SLC15A5: variants seen among roughly 807,000 people sequenced by gnomAD.
SLC15A5 encodes the protein Peptide/histidine transporter ENSP00000340402.
In SLC15A5, 58 loss-of-function variants were observed where a neutral mutation model predicts 56.1. That is an observed-to-expected ratio of 1.03 (90% CI 0.84 to 1.29). The LOEUF is 1.29. Ranked by LOEUF, SLC15A5 falls within the 50% of genes most tolerant of loss-of-function variation. SLC15A5 has a pLI of 0.00. For synonymous variants in SLC15A5, 264 were observed against 250.5 expected, an observed-to-expected ratio of 1.05 and a Z score of -0.51; for missense variants, 681 against 672.1, an observed-to-expected ratio of 1.01 and a Z score of -0.15.
intron 5 of SLC15A5, among the ~76,000 whole-genome samples, chr12:16,230,526 T>TA (rs964569730): frequency 6.6e-6 from 1 of 152,182 alleles, no homozygotes; most frequent in Admixed American, 6.5e-5. Context: ...AGAATGATGT[T>TA]AAATTATTCA....
In SLC15A5 at chr12:16,222,658, T is replaced by G. The variant is rs891218175; in HGVS notation, c.1351+1756A>C. The stretch of plus-strand genomic sequence containing the variant: ...CTCAGTTAGGCCTGATTTCCTGGAG[T>G]AAATCAGGGAGTGGTGGAGTAAGTG... On this transcript the variant is annotated intron_variant, in intron 6 of 8. Coordinates refer to ENST00000344941, the MANE Select transcript of SLC15A5 (RefSeq NM_001170798.1). Among the ~76,000 whole-genome samples, 6 of 152,186 alleles carry G rather than the reference T, an allele frequency of 3.9e-5. No homozygotes were observed. In the East Asian group the frequency reaches 1.2e-3, roughly 30 times the overall value.
chr12:16,246,363 T>A (rs1300176949), intron 3 of SLC15A5, among the ~76,000 whole-genome samples: 1 of 152,216 alleles, frequency 6.6e-6, no homozygotes, highest in South Asian at 2.1e-4. Context: ...TATGAGACTT[T>A]CCTAGCTATT....
chr12:16,196,826 G>A lies in SLC15A5; in HGVS notation c.1484-2373C>T, dbSNP rs1351359063. ...ATATAAATTCACTAAGATCTTTAAA[G>A]GTAAAACATAATATTTTAAAGAAAT... On this transcript the variant is annotated intron_variant, in intron 7 of 8. Coordinates refer to ENST00000344941, the MANE Select transcript of SLC15A5 (RefSeq NM_001170798.1). The surrounding 1 kb of genome is among the most constrained non-coding windows in gnomAD (Gnocchi z 4.0). Among the ~76,000 whole-genome samples, 1 of 151,928 alleles carries A rather than the reference G, an allele frequency of 6.6e-6. No individual in the cohort carries two copies. The highest frequency in any genetic ancestry group is 1.5e-5 in the Non-Finnish European group (1 of 67,974).
intron 8 of SLC15A5, among the ~76,000 whole-genome samples, chr12:16,192,075 G>A (rs952253219): frequency 2.0e-5 from 3 of 152,058 alleles, no homozygotes; most frequent in Admixed American, 6.6e-5. Flanking sequence ...TCCTAGTTGT[G>A]TGAACTTGGT....
In SLC15A5 at chr12:16,206,188, C is replaced by T. The variant is rs371640344; in HGVS notation, c.1483+10705G>A. Among the ~76,000 whole-genome samples, 62 of 152,198 alleles carry T rather than the reference C, an allele frequency of 4.1e-4. 1 individual carries two copies. The East Asian group carries it at 4.3e-3, about 10-fold the overall frequency. Reference sequence around the variant, plus strand: ...AAAAAGAGCTTTGGAATCTGGAATCCGCCATTGCTGTGTGATTTGGACAAC... The same window carrying T: ...AAAAAGAGCTTTGGAATCTGGAATCTGCCATTGCTGTGTGATTTGGACAAC... On this transcript the variant is annotated intron_variant, in intron 7 of 8. Transcript: ENST00000344941.
At chr12:16,217,254 T>G (rs1321354247) in intron 6 of SLC15A5, among the ~76,000 whole-genome samples, 1 of 152,132 alleles carries the variant, frequency 6.6e-6, no homozygotes. Flanking sequence ...ACAATGAGAA[T>G]TTGATTACTT....
chr12:16,202,741 T>G (rs1250304202), intron 7 of SLC15A5, among the ~76,000 whole-genome samples: 2 of 152,108 alleles, frequency 1.3e-5, no homozygotes, highest in Non-Finnish European at 2.9e-5. Context: ...ATTAATACAT[T>G]TTAAAAAGTG....
chr12:16,270,508 G>A (rs1474954085), intron 2 of SLC15A5, among the ~76,000 whole-genome samples: 1 of 152,056 alleles, frequency 6.6e-6, no homozygotes, highest in Non-Finnish European at 1.5e-5. Flanking sequence ...CTCTTTCCCA[G>A]CATTTAGACA....
At chr12:16,229,155 G>A (rs1018263376) in intron 5 of SLC15A5, among the ~76,000 whole-genome samples, 1 of 152,186 alleles carries the variant, frequency 6.6e-6, no homozygotes, top group African/African-American at 2.4e-5. Flanking sequence ...TTATGTAAAT[G>A]TAAATTGAAT....
chr12:16,224,463 A>T lies in SLC15A5; in HGVS notation c.1302T>A (p.Ile434=), dbSNP rs1864219291. The stretch of plus-strand genomic sequence containing the variant: ...CCACTCCAAGTAAAACATACTGAAG[A>T]ATCAGGTAGAAACAGGGCATGGAGG... ...TVSSMPCFYL[I]LQYVLLGVAE... The change falls in exon 6 of 9, where the codon ATT becomes ATA. Residue 434 remains isoleucine, a synonymous_variant. Coordinates refer to ENST00000344941, the MANE Select transcript of SLC15A5 (RefSeq NM_001170798.1). 6.5e-7 allele frequency: 1 copy of T among 1,537,296 alleles called. No homozygotes were observed. The highest frequency in any genetic ancestry group is 2.4e-5 in the East Asian group (1 of 40,906).
At chr12:16,259,263 CCT>C (rs1351074723) in intron 2 of SLC15A5, among the ~76,000 whole-genome samples, 1 of 150,826 alleles carries the variant, frequency 6.6e-6, no homozygotes, top group East Asian at 1.9e-4. Context: ...ACATCTGATT[CCT>C]CTCTCCTCTC....
At chr12:16,229,745 T>G (rs1051893179) in intron 5 of SLC15A5, among the ~76,000 whole-genome samples, 2 of 151,150 alleles carry the variant, frequency 1.3e-5, no homozygotes, top group Non-Finnish European at 1.5e-5. Flanking sequence ...TAGAGGATAA[T>G]GAAACATGTG....
chr12:16,205,242 C>G (rs892076053), intron 7 of SLC15A5, among the ~76,000 whole-genome samples: 16 of 151,540 alleles, frequency 1.1e-4, no homozygotes, highest in African/African-American at 4.8e-5. Context: ...GTCAAATAGA[C>G]AAAGATCAAA....
intron 4 of SLC15A5, among the ~76,000 whole-genome samples, chr12:16,241,802 C>T (rs974104530): frequency 8.8e-5 from 13 of 148,554 alleles, no homozygotes; most frequent in South Asian, 6.8e-4. Flanking sequence ...AAGTTATTAT[C>T]GGCATGAATC....
intron 5 of SLC15A5, among the ~76,000 whole-genome samples, chr12:16,233,373 T>A (rs1269302897): frequency 1.3e-5 from 2 of 152,212 alleles, no homozygotes; most frequent in African/African-American, 4.8e-5. Flanking sequence ...TAAATTTCTA[T>A]GATTTTTAAA....
At chr12:16,224,826 C>A (rs1469858113) in intron 5 of SLC15A5, among the ~76,000 whole-genome samples, 1 of 151,056 alleles carries the variant, frequency 6.6e-6, no homozygotes, top group Non-Finnish European at 1.5e-5. Flanking sequence ...GTTCTGCACC[C>A]ATTAACTCGT....
intron 5 of SLC15A5, among the ~76,000 whole-genome samples, chr12:16,236,055 A>T (rs1051679945): frequency 6.6e-6 from 1 of 152,182 alleles, no homozygotes; most frequent in East Asian, 1.9e-4. Flanking sequence ...AAGCCAAGAT[A>T]ATTGCTACCT....
intron 7 of SLC15A5, among the ~76,000 whole-genome samples, chr12:16,206,278 AG>A (rs1302246355): frequency 4.6e-5 from 7 of 152,170 alleles, no homozygotes; most frequent in African/African-American, 1.7e-4. Context: ...CTACCTCCAA[AG>A]AATTGTTGTG....
intron 5 of SLC15A5, among the ~76,000 whole-genome samples, chr12:16,238,409 C>T (rs957162314): frequency 4.6e-5 from 7 of 151,886 alleles, no homozygotes; most frequent in African/African-American, 1.2e-4. Flanking sequence ...GGGCGGATCA[C>T]GAGGTCAGGA....
Sources: gnomAD v4.1 joint callset for allele counts (sites outside exome capture counted in the v4.1 genomes callset) on GRCh38, gnomAD v4.1.1 for gene constraint, Gnocchi (gnomAD v3.1) non-coding constraint, MANE v1.5 for transcripts, NCBI Gene and HGNC (gene_info 2026-07-23, HGNC 2026-07-21) for gene names.